The following NUP62CL variants were observed in gnomAD, a reference collection of about 807,000 sequenced individuals.
The protein encoded by NUP62CL is nucleoporin 62 C-terminal like.
In NUP62CL, 13 loss-of-function variants were observed where a neutral mutation model predicts 15.3. That is an observed-to-expected ratio of 0.85 (90% CI 0.55 to 1.35). NUP62CL has a LOEUF of 1.35. NUP62CL is among the 40% of genes most tolerant of loss of function. NUP62CL has a pLI of 0.00. For missense variants in NUP62CL, 123 were observed against 130.6 expected (o/e 0.94, Z 0.28); for synonymous variants, 54 against 49.2 (o/e 1.10, Z -0.41).
At chrX:107,202,956 C>T (rs909388000) in intron 1 of NUP62CL, among the ~76,000 whole-genome samples, 1 of 98,591 alleles carries the variant, frequency 1.0e-5, no homozygotes, top group East Asian at 3.2e-4. Flanking sequence ...CCAGCTGGGC[C>T]GACAGAGCAG....
intron 1 of NUP62CL, among the ~76,000 whole-genome samples, chrX:107,193,458 G>A (rs1927291901): frequency 8.9e-6 from 1 of 112,058 alleles, no homozygotes; most frequent in African/African-American, 3.2e-5. Context: ...GTTTAAATCT[G>A]AGAAACATCT....
Position 107,132,041 on chromosome X carries a change from C to G in NUP62CL, c.*43-7709G>C. The G allele has an allele frequency of 4.8e-6, 5 of 1,050,429 alleles. No individual in the cohort carries two copies. The Admixed American group carries it at 6.5e-5, about 14-fold the overall frequency. The allele number at this position is 1,050,429 out of a possible 1,213,427, so 86.6% of individuals were successfully genotyped here. ...AAGGATAATGATTTCTCCTATCGAC[C>G]CAACATGATTTGTAGCTTTCTACAT... On this transcript the variant is annotated intron_variant, in intron 8 of 8. Coordinates refer to ENST00000372466, the MANE Select transcript of NUP62CL (RefSeq NM_017681.3).
chrX:107,179,101 A>AAAAG (rs1926853354), intron 2 of NUP62CL, among the ~76,000 whole-genome samples: 1 of 110,039 alleles, frequency 9.1e-6, no homozygotes, highest in Admixed American at 9.7e-5. Context: ...CTCAAAAAAA[A>AAAAG]AAAAGAAAAG....
chrX:107,146,475 A>C, intron 8 of NUP62CL, among the ~76,000 whole-genome samples: 1 of 112,245 alleles, frequency 8.9e-6, no homozygotes. Flanking sequence ...TTTTCTGCCA[A>C]GAAATGACAG....
chrX:107,158,819 CA>C (rs1371751239), intron 4 of NUP62CL, among the ~76,000 whole-genome samples: 2 of 74,009 alleles, frequency 2.7e-5, no homozygotes, highest in Non-Finnish European at 4.5e-5. Flanking sequence ...AAAAACCCTT[CA>C]AAAAATCAGT....
chrX:107,183,852 C>T lies in NUP62CL; in HGVS notation c.-47-8659G>A, dbSNP rs189905307. ...CCCTTGTGAGGCTATAATAAGGCAT[C>T]CCAACACCCTCGCCAGGGTGGTATA... On this transcript the variant is annotated intron_variant, in intron 2 of 8. Transcript: ENST00000372466. Among the ~76,000 whole-genome samples the T allele has an allele frequency of 5.4e-4, 60 of 111,009 alleles. 1 individual carries two copies. The highest frequency in any genetic ancestry group is 1.9e-3 in the African/African-American group (57 of 30,548).
intron 7 of NUP62CL, among the ~76,000 whole-genome samples, chrX:107,152,774 T>C (rs1021323527): frequency 9.8e-5 from 11 of 111,912 alleles, no homozygotes; most frequent in Admixed American, 1.9e-4. Flanking sequence ...ACTAAAGCAA[T>C]TGCATGACTA....
At chrX:107,140,919 G>A (rs1311231069) in intron 8 of NUP62CL, among the ~76,000 whole-genome samples, 1 of 111,883 alleles carries the variant, frequency 8.9e-6, no homozygotes, top group East Asian at 2.8e-4. Flanking sequence ...AGTGTACGGT[G>A]TTTGTTTTTT....
chrX:107,206,264 C>G lies in NUP62CL; in HGVS notation c.-92+9G>C, dbSNP rs755707985. 12 of 110,787 alleles carry G rather than the reference C, an allele frequency of 1.1e-4. No homozygotes were observed. Among genetic ancestry groups the G allele is most frequent in the Non-Finnish European group, 1.5e-4 (8 of 52,923 alleles). The allele number at this position is 110,787 out of a possible 1,213,427, so 9.1% of individuals were successfully genotyped here. ...ACGAACGGGACAAACGAAAACCCCA[C>G]AAACTTACCTTACTGGCAAGTCGCC... On this transcript the variant is annotated intron_variant, in intron 1 of 8. Transcript: ENST00000372466.
At chrX:107,183,159 C>T (rs754756214) in intron 2 of NUP62CL, among the ~76,000 whole-genome samples, 9 of 112,147 alleles carry the variant, frequency 8.0e-5, no homozygotes, top group African/African-American at 2.3e-4. Flanking sequence ...TGCCACTGTA[C>T]TCCAGCCTGG....
intron 8 of NUP62CL, among the ~76,000 whole-genome samples, chrX:107,127,996 G>A (rs761660911): frequency 4.5e-5 from 5 of 111,992 alleles, no homozygotes; most frequent in African/African-American, 1.6e-4. Context: ...AGTGGTACTG[G>A]AAAGAATGCA....
At chrX:107,178,298 G>A (rs779539208) in intron 2 of NUP62CL, among the ~76,000 whole-genome samples, 1 of 111,657 alleles carries the variant, frequency 9.0e-6, no homozygotes, top group South Asian at 3.8e-4. Context: ...CCACTGAACT[G>A]TACATTTTAA....
At chrX:107,152,187 G>GATATATAT (rs762237312) in intron 7 of NUP62CL, among the ~76,000 whole-genome samples, 1 of 77,458 alleles carries the variant, frequency 1.3e-5, no homozygotes, top group African/African-American at 5.1e-5. Flanking sequence ...TATATATTCA[G>GATATATAT]ATATATATAT....
intron 4 of NUP62CL, among the ~76,000 whole-genome samples, chrX:107,164,219 A>G (rs1926454899): frequency 8.9e-6 from 1 of 111,913 alleles, no homozygotes; most frequent in East Asian, 2.8e-4. Flanking sequence ...ATCTCCAAAC[A>G]CTTGGAAATT....
chrX:107,169,734 A>C (rs1284055627), intron 3 of NUP62CL, among the ~76,000 whole-genome samples: 2 of 111,983 alleles, frequency 1.8e-5, no homozygotes, highest in Non-Finnish European at 3.8e-5. Flanking sequence ...AAAATTAATG[A>C]TAATGCCAAT....
Position 107,167,202 on chromosome X carries a change from C to T in NUP62CL, c.194+447G>A, listed in dbSNP as rs112519258. Among the ~76,000 whole-genome samples, 949 of 111,882 alleles carry T rather than the reference C, an allele frequency of 8.5e-3. 5 individuals are homozygous for T. The highest frequency in any genetic ancestry group is 0.014 in the Non-Finnish European group (721 of 53,084). ...ATCATATACAGGCTCCAGAGCTTGACTGTCTGAATTTTAATCCTGGCTCAA... is the reference window on the plus strand; with the variant it reads ...ATCATATACAGGCTCCAGAGCTTGATTGTCTGAATTTTAATCCTGGCTCAA... On this transcript the variant is annotated intron_variant, in intron 4 of 8. Coordinates refer to ENST00000372466, the MANE Select transcript of NUP62CL (RefSeq NM_017681.3).
intron 4 of NUP62CL, among the ~76,000 whole-genome samples, chrX:107,159,089 G>A (rs1181529914): frequency 3.1e-5 from 1 of 31,981 alleles, no homozygotes; most frequent in Non-Finnish European, 4.2e-5. Flanking sequence ...GGAAGAAGTT[G>A]AATCTCTGAA....
At chrX:107,181,099 A>G (rs1001524994) in intron 2 of NUP62CL, among the ~76,000 whole-genome samples, 1 of 103,128 alleles carries the variant, frequency 9.7e-6, no homozygotes, top group Non-Finnish European at 2.0e-5. Context: ...TTTTTTCTGT[A>G]GTGACGAGGT....
chrX:107,199,476 C>G (rs1927432158), intron 1 of NUP62CL, among the ~76,000 whole-genome samples: 1 of 112,199 alleles, frequency 8.9e-6, no homozygotes, highest in Admixed American at 9.5e-5. Flanking sequence ...ATCATTCATT[C>G]CCCTACATTT....
Sources: gnomAD v4.1 joint callset for allele counts (sites outside exome capture counted in the v4.1 genomes callset) on GRCh38, gnomAD v4.1.1 for gene constraint, MANE v1.5 for transcripts, NCBI Gene and HGNC (gene_info 2026-07-23, HGNC 2026-07-21) for gene names.